PXDNL: variants seen among roughly 807,000 people sequenced by gnomAD.
PXDNL encodes the protein probable oxidoreductase PXDNL.
Under a neutral mutation model 150.8 loss-of-function variants are expected in PXDNL, and 145 were observed. The ratio of observed to expected loss-of-function variants is 0.96; its 90% CI spans 0.84 to 1.10. The LOEUF (loss-of-function observed/expected upper bound fraction) is 1.10. PXDNL is among the 50% of genes least tolerant of loss of function. The pLI is 0.00. For synonymous variants in PXDNL, 757 were observed against 725.7 expected (o/e 1.04, Z -0.69); for missense variants, 2,087 against 1,873.9 (o/e 1.11, Z -2.10).
intron 19 of PXDNL, among the ~76,000 whole-genome samples, chr8:51,354,750 T>C (rs750156643): frequency 1.6e-4 from 24 of 152,066 alleles, no homozygotes; most frequent in Non-Finnish European, 3.1e-4. Context: ...TAGAAAAATT[T>C]TTCTTTCTTA....
intron 1 of PXDNL, among the ~76,000 whole-genome samples, chr8:51,776,359 C>T (rs963687838): frequency 6.6e-6 from 1 of 152,092 alleles, no homozygotes; most frequent in African/African-American, 2.4e-5. Context: ...GCTGGTTTTG[C>T]GGGTTGGGGG....
chr8:51,431,890 T>G (rs896776557), intron 12 of PXDNL, among the ~76,000 whole-genome samples: 3 of 152,236 alleles, frequency 2.0e-5, no homozygotes, highest in African/African-American at 7.2e-5. Flanking sequence ...TTCTTTTTAT[T>G]AAATTTGGGA....
At chr8:51,617,551 GAGAAATATGACTTCGAAC>G (rs1168922589) in intron 2 of PXDNL, among the ~76,000 whole-genome samples, 5 of 152,194 alleles carry the variant, frequency 3.3e-5, no homozygotes, top group African/African-American at 1.2e-4. Flanking sequence ...GGGAAGCTTA[GAGAAATATGACTTCGAAC>G]AGATAATGAC....
At chr8:51,660,277 T>C (rs994266680) in intron 1 of PXDNL, among the ~76,000 whole-genome samples, 2 of 152,202 alleles carry the variant, frequency 1.3e-5, no homozygotes, top group Non-Finnish European at 2.9e-5. Context: ...TTTGAAATAC[T>C]ATGTGTAGCT....
intron 2 of PXDNL, among the ~76,000 whole-genome samples, chr8:51,596,040 T>C (rs1436642180): frequency 6.6e-6 from 1 of 152,126 alleles, no homozygotes; most frequent in Non-Finnish European, 1.5e-5. Context: ...TTCCAGCCCT[T>C]GCCACCCTCC....
chr8:51,700,686 G>C (rs1381056946), intron 1 of PXDNL, among the ~76,000 whole-genome samples: 1 of 150,016 alleles, frequency 6.7e-6, no homozygotes, highest in Admixed American at 6.7e-5. Flanking sequence ...ACACACACAT[G>C]CATACACATA....
intron 4 of PXDNL, among the ~76,000 whole-genome samples, chr8:51,534,802 T>G (rs1469953252): frequency 1.0e-4 from 8 of 76,320 alleles, no homozygotes; most frequent in Admixed American, 1.5e-4. Flanking sequence ...GGTGGGGGGG[T>G]CAGCCCCCCG....
intron 1 of PXDNL, among the ~76,000 whole-genome samples, chr8:51,804,634 C>G (rs962178396): frequency 1.3e-5 from 2 of 152,204 alleles, no homozygotes; most frequent in Non-Finnish European, 2.9e-5. Context: ...TTTGCTGCCT[C>G]AGGTTGCGGC....
At chr8:51,475,382 TGGTTTTC>T (rs892869328) in intron 6 of PXDNL, among the ~76,000 whole-genome samples, 2 of 151,972 alleles carry the variant, frequency 1.3e-5, no homozygotes, top group African/African-American at 4.8e-5. Flanking sequence ...ACTGGAAAAG[TGGTTTTC>T]CCTTAATGTG....
chr8:51,594,325 A>T (rs1304212964), intron 2 of PXDNL, among the ~76,000 whole-genome samples: 2 of 152,192 alleles, frequency 1.3e-5, no homozygotes, highest in Non-Finnish European at 1.5e-5. Context: ...CTATTTTCTT[A>T]AATCTTCCAA....
intron 9 of PXDNL, among the ~76,000 whole-genome samples, chr8:51,456,880 G>A (rs1036733902): frequency 3.9e-5 from 6 of 152,188 alleles, no homozygotes; most frequent in African/African-American, 1.2e-4. Context: ...TGTCCTTTAT[G>A]CTTCTCTCCC....
intron 1 of PXDNL, among the ~76,000 whole-genome samples, chr8:51,730,450 A>G (rs1294778657): frequency 6.6e-6 from 1 of 152,300 alleles, no homozygotes; most frequent in East Asian, 1.9e-4. Context: ...TTTTGGAGTG[A>G]TAGGAAGAAA....
chr8:51,503,910 T>C (rs1461508055), intron 4 of PXDNL, among the ~76,000 whole-genome samples: 1 of 152,110 alleles, frequency 6.6e-6, no homozygotes, highest in African/African-American at 2.4e-5. Flanking sequence ...CATCTAGATG[T>C]CTCAAGGAAC....
chr8:51,705,242 C>T (rs1003927934), intron 1 of PXDNL, among the ~76,000 whole-genome samples: 1 of 152,190 alleles, frequency 6.6e-6, no homozygotes, highest in African/African-American at 2.4e-5. Context: ...AGGACTCAGT[C>T]ACTTCTCTAT....
rs556365006 is a variant in PXDNL at position 51,577,831 on chromosome 8, C to G, written c.308+14796G>C. Among the ~76,000 whole-genome samples, 248 of 149,248 alleles carry G rather than the reference C, an allele frequency of 1.7e-3. 1 individual carries two copies. Among genetic ancestry groups the G allele is most frequent in the African/African-American group, 5.9e-3 (240 of 40,710 alleles). ...AAGGTCAGGAGCAAGGCAGGAATGT[C>G]TGCTCTTACCACTCCATTGGAAGAT... On this transcript the variant is annotated intron_variant, in intron 3 of 22. Transcript: ENST00000356297.
At chr8:51,325,025 C>A (rs1195653003) in intron 21 of PXDNL, among the ~76,000 whole-genome samples, 1 of 152,066 alleles carries the variant, frequency 6.6e-6, no homozygotes, top group Non-Finnish European at 1.5e-5. Flanking sequence ...ACCACCACAC[C>A]CGGCTAATTT....
chr8:51,612,638 C>T (rs1040532781), intron 2 of PXDNL, among the ~76,000 whole-genome samples: 12 of 152,184 alleles, frequency 7.9e-5, no homozygotes, highest in East Asian at 5.8e-4. Context: ...ATGGGATTAG[C>T]GCCCTTATAA....
At chr8:51,456,094 C>T (rs16916341) in intron 9 of PXDNL, among the ~76,000 whole-genome samples, 4,615 of 152,278 alleles carry the variant, frequency 0.03, 227 homozygotes, top group East Asian at 0.25. Context: ...CTTCCTCATC[C>T]TGACATGCCT....
chr8:51,714,262 G>A (rs1241061640), intron 1 of PXDNL, among the ~76,000 whole-genome samples: 1 of 152,138 alleles, frequency 6.6e-6, no homozygotes, highest in African/African-American at 2.4e-5. Context: ...CACATGGAAG[G>A]ATGACTTATC....
Sources: gnomAD v4.1 joint callset for allele counts (sites outside exome capture counted in the v4.1 genomes callset) on GRCh38, gnomAD v4.1.1 for gene constraint, MANE v1.5 for transcripts, NCBI Gene and HGNC (gene_info 2026-07-23, HGNC 2026-07-21) for gene names.